The following ELAVL2 variants were observed in gnomAD, a reference collection of about 807,000 sequenced individuals.
ELAVL2 encodes ELAV like RNA binding protein 2.
A neutral mutation model predicts 34.6 loss-of-function variants in ELAVL2; 4 were observed. The ratio of observed to expected loss-of-function variants is 0.12; its 90% confidence interval spans 0.06 to 0.26. The LOEUF (loss-of-function observed/expected upper bound fraction) is 0.26. Ranked by LOEUF, ELAVL2 falls within the 10% of genes least tolerant of loss-of-function variation. The pLI, the probability that ELAVL2 is intolerant of heterozygous loss-of-function variation, is 1.00. For synonymous variants in ELAVL2, 193 were observed against 154.8 expected, an observed-to-expected ratio of 1.25 and a Z score of -1.83; for missense variants, 432 against 442.8, an observed-to-expected ratio of 0.98 and a Z score of 0.22.
chr9:23,794,141 C>A (rs185724427), intron 1 of ELAVL2, among the ~76,000 whole-genome samples: 1 of 152,222 alleles, frequency 6.6e-6, no homozygotes, highest in Non-Finnish European at 1.5e-5. Context: ...ATGTCACTGA[C>A]TAGCATACCA....
upstream of ELAVL2, among the ~76,000 whole-genome samples, chr9:23,828,408 T>A (rs560225873): frequency 2.7e-3 from 404 of 152,292 alleles, 1 homozygote; most frequent in Middle Eastern, 6.8e-3. Context: ...AACTAATACT[T>A]TTTTTGGTGC....
chr9:23,843,228 A>C, the ELAVL2 span, among the ~76,000 whole-genome samples: 15 of 152,274 alleles, frequency 9.9e-5, no homozygotes, highest in Middle Eastern at 0.01. Flanking sequence ...AGTATTTTAC[A>C]TACTTCCTTC....
chr9:23,821,423 A>C (rs1455625961), intron 1 of ELAVL2: 4 of 151,924 alleles, frequency 2.6e-5, no homozygotes, highest in Non-Finnish European at 5.9e-5. Flanking sequence ...GAGCTCTAGG[A>C]ACTTCGCGGG....
At chr9:23,835,221 C>G in the ELAVL2 span, among the ~76,000 whole-genome samples, 4 of 151,948 alleles carry the variant, frequency 2.6e-5, no homozygotes, top group Admixed American at 2.6e-4. Flanking sequence ...AAATATATAC[C>G]ATCACAGTCT....
chr9:23,845,418 C>G, the ELAVL2 span, among the ~76,000 whole-genome samples: 3 of 151,520 alleles, frequency 2.0e-5, no homozygotes, highest in Admixed American at 2.0e-4. Flanking sequence ...ACTAAAAAAA[C>G]TTGGCCTGAA....
chr9:23,770,828 C>T (rs781082778), intron 1 of ELAVL2, among the ~76,000 whole-genome samples: 1 of 152,036 alleles, frequency 6.6e-6, no homozygotes, highest in Non-Finnish European at 1.5e-5. Context: ...TGTTAGAGGT[C>T]TAACAGGAAG....
intron 1 of ELAVL2, among the ~76,000 whole-genome samples, chr9:23,793,077 C>T (rs2060512899): frequency 6.6e-6 from 1 of 152,156 alleles, no homozygotes; most frequent in South Asian, 2.1e-4. Flanking sequence ...CACTGCCTGG[C>T]CTGTTTCCTT....
At chr9:23,844,766 G>A in the ELAVL2 span, among the ~76,000 whole-genome samples, 4 of 151,886 alleles carry the variant, frequency 2.6e-5, no homozygotes, top group African/African-American at 7.2e-5. Flanking sequence ...TCTGTCAAGC[G>A]AGGCGGTATG....
At chr9:23,736,179 T>C (rs561802562) in intron 2 of ELAVL2, among the ~76,000 whole-genome samples, 16 of 152,194 alleles carry the variant, frequency 1.1e-4, no homozygotes, top group Middle Eastern at 6.8e-3. Flanking sequence ...GTAAAGGCAA[T>C]AGACTACCGT....
chr9:23,705,549 C>T (rs1170954698), intron 3 of ELAVL2, among the ~76,000 whole-genome samples: 2 of 152,208 alleles, frequency 1.3e-5, no homozygotes, highest in Admixed American at 6.5e-5. Flanking sequence ...TTCTGTGGGG[C>T]CAATCCCCTA....
chr9:23,746,533 A>G lies in ELAVL2; in HGVS notation c.230-15408T>C, dbSNP rs185377751. Among the ~76,000 whole-genome samples the G allele has an allele frequency of 1.7e-3, 253 of 152,174 alleles. 2 individuals are homozygous for G. Among genetic ancestry groups the G allele is most frequent in the African/African-American group, 5.9e-3 (247 of 41,530 alleles). ...ACCCCCACCTCAGAACAGAGAGGTG[A>G]GTCATCATCACCATCTTATCCTTCT... On this transcript the variant is annotated intron_variant, in intron 2 of 6. Coordinates refer to ENST00000397312, the MANE Select transcript of ELAVL2 (RefSeq NM_004432.5).
At chr9:23,708,942 T>A (rs1455603830) in intron 3 of ELAVL2, among the ~76,000 whole-genome samples, 2 of 152,142 alleles carry the variant, frequency 1.3e-5, no homozygotes, top group African/African-American at 2.4e-5. Flanking sequence ...CCGGCTCCAT[T>A]AATATTTTTA....
the ELAVL2 span, among the ~76,000 whole-genome samples, chr9:23,849,289 A>G: frequency 1.3e-5 from 2 of 152,180 alleles, no homozygotes; most frequent in Admixed American, 6.5e-5. Context: ...GGGCAGTGGG[A>G]AGGAGGGTTA....
At chr9:23,821,040 A>T (rs1054345217) in intron 1 of ELAVL2, among the ~76,000 whole-genome samples, 2 of 152,134 alleles carry the variant, frequency 1.3e-5, no homozygotes, top group Admixed American at 1.3e-4. Flanking sequence ...ACGCCCCGAG[A>T]GCTCCAAGGA....
chr9:23,696,685 T>C (rs957023067), intron 5 of ELAVL2, among the ~76,000 whole-genome samples: 1 of 152,018 alleles, frequency 6.6e-6, no homozygotes, highest in Non-Finnish European at 1.5e-5. Context: ...TTAGCCATGA[T>C]GGTCTCGATC....
At chr9:23,786,464 A>T (rs1270862784) in intron 1 of ELAVL2, among the ~76,000 whole-genome samples, 1 of 152,208 alleles carries the variant, frequency 6.6e-6, no homozygotes. Context: ...CTGACATATC[A>T]GAAGAATAAC....
intron 5 of ELAVL2, among the ~76,000 whole-genome samples, chr9:23,694,738 C>T (rs1332963405): frequency 1.3e-5 from 2 of 152,204 alleles, no homozygotes; most frequent in African/African-American, 4.8e-5. Flanking sequence ...CTCCCACATC[C>T]CTGCCCTCAG....
At chr9:23,800,675 G>A (rs973246505) in intron 1 of ELAVL2, among the ~76,000 whole-genome samples, 2 of 152,086 alleles carry the variant, frequency 1.3e-5, no homozygotes, top group African/African-American at 2.4e-5. Flanking sequence ...TGCTTCTCAA[G>A]CAAATGAATC....
At chr9:23,743,800 T>C (rs1164189367) in intron 2 of ELAVL2, among the ~76,000 whole-genome samples, 1 of 152,216 alleles carries the variant, frequency 6.6e-6, no homozygotes, top group Non-Finnish European at 1.5e-5. Flanking sequence ...AAACTTTTAA[T>C]GTGATGCTTT....
Sources: gnomAD v4.1 joint callset for allele counts (sites outside exome capture counted in the v4.1 genomes callset) on GRCh38, gnomAD v4.1.1 for gene constraint, MANE v1.5 for transcripts, NCBI Gene and HGNC (gene_info 2026-07-23, HGNC 2026-07-21) for gene names.